Variants in CCNJL observed in about 807,000 individuals in gnomAD.
CCNJL encodes cyclin J like.
In CCNJL, 33 loss-of-function variants were observed where a neutral mutation model predicts 33.4. The ratio of observed to expected loss-of-function variants is 0.99; its 90% CI spans 0.75 to 1.32. The LOEUF is 1.32. Ranked by LOEUF, CCNJL falls within the 40% of genes most tolerant of loss-of-function variation. CCNJL has a pLI of 0.00. For missense variants in CCNJL, 512 were observed against 499.7 expected (o/e 1.02, Z -0.23); for synonymous variants, 227 against 220.9 (o/e 1.03, Z -0.24).
At chr5:160,284,009 T>C (rs1320414752) in intron 2 of CCNJL, among the ~76,000 whole-genome samples, 1 of 152,188 alleles carries the variant, frequency 6.6e-6, no homozygotes, top group Non-Finnish European at 1.5e-5. Context: ...ATGTTCTTTA[T>C]CCATTTATCT....
At chr5:160,254,296 T>C (rs778585759) in intron 5 of CCNJL, 1 of 661,670 alleles carries the variant, frequency 1.5e-6, no homozygotes, top group South Asian at 1.7e-5. Context: ...ATCAACCAAA[T>C]TGACCGCTGG....
upstream of CCNJL, chr5:160,315,525 C>A: frequency 6.6e-6 from 2 of 305,258 alleles, no homozygotes; most frequent in Non-Finnish European, 7.2e-6. Flanking sequence ...AAAACAAAAA[C>A]AAGAGAAAGA....
chr5:160,287,351 C>T (rs1030688056), intron 2 of CCNJL, among the ~76,000 whole-genome samples: 1 of 152,214 alleles, frequency 6.6e-6, no homozygotes, highest in African/African-American at 2.4e-5. Flanking sequence ...GGCTTTCTAC[C>T]TTTGAGCTGA....
intron 2 of CCNJL, among the ~76,000 whole-genome samples, chr5:160,282,390 C>T (rs952914448): frequency 1.1e-4 from 16 of 152,112 alleles, no homozygotes; most frequent in African/African-American, 3.9e-4. Context: ...CTTTAATGGC[C>T]TTAGATTAGG....
chr5:160,263,008 A>G (rs1489641874), intron 3 of CCNJL, among the ~76,000 whole-genome samples: 1 of 152,224 alleles, frequency 6.6e-6, no homozygotes, highest in Non-Finnish European at 1.5e-5. Flanking sequence ...AAGCCAGACA[A>G]TAGCCATGGA....
At chr5:160,260,508 C>A (rs573456971) in intron 3 of CCNJL, among the ~76,000 whole-genome samples, 22 of 152,236 alleles carry the variant, frequency 1.4e-4, no homozygotes, top group African/African-American at 5.3e-4. Flanking sequence ...ATCCTACCCA[C>A]GGGTTAAAGA....
At chr5:160,338,148 G>C (rs1763704970) in intron 1 of CCNJL, among the ~76,000 whole-genome samples, 1 of 152,232 alleles carries the variant, frequency 6.6e-6, no homozygotes, top group Non-Finnish European at 1.5e-5. Context: ...TGTAGTCCCA[G>C]CACTTTGGGA....
chr5:160,287,091 G>A (rs569133134), intron 2 of CCNJL, among the ~76,000 whole-genome samples: 4 of 152,234 alleles, frequency 2.6e-5, no homozygotes, highest in African/African-American at 9.6e-5. Context: ...GCAGTTCTGG[G>A]TCGGAATCTT....
chr5:160,339,362 A>AAC (rs1199353127), intron 1 of CCNJL: 3 of 322,792 alleles, frequency 9.3e-6, no homozygotes, highest in African/African-American at 2.5e-5. Flanking sequence ...TGCAAAACAA[A>AAC]AAAAAAAAAC....
Position 160,253,312 on chromosome 5 carries a change from C to T in CCNJL, c.*66G>A. 1 of 1,477,514 alleles carries T rather than the reference C, an allele frequency of 6.8e-7. No individual in the cohort carries two copies. Among genetic ancestry groups the T allele is most frequent in the East Asian group, 2.3e-5 (1 of 43,660 alleles). 91.5% of individuals were successfully genotyped at this position (1,477,514 alleles called of 1,614,324 possible). A position where few individuals can be genotyped will look rare whatever the true frequency, so the allele number is the denominator to read the frequency against. On this transcript the variant is annotated 3_prime_UTR_variant, in exon 6 of 6. Coordinates refer to ENST00000257536, the MANE Select transcript of CCNJL (RefSeq NM_001308173.3). The stretch of plus-strand genomic sequence containing the variant: ...TCCTGCTGCCTCACTTGGCTGAGCT[C>T]TCCTCTTCAGTGTCCTCTTCCTCTG...
At chr5:160,336,526 C>G (rs772451425) in intron 1 of CCNJL, among the ~76,000 whole-genome samples, 1 of 152,244 alleles carries the variant, frequency 6.6e-6, no homozygotes, top group African/African-American at 2.4e-5. Flanking sequence ...CTGCTGCTGA[C>G]ATGTAGATGT....
intron 2 of CCNJL, among the ~76,000 whole-genome samples, chr5:160,309,326 T>A (rs1763193181): frequency 6.6e-6 from 1 of 152,302 alleles, no homozygotes; most frequent in Admixed American, 6.5e-5. Context: ...CAGACTGGAA[T>A]CTCATATTTG....
chr5:160,262,169 G>A (rs1485713615), intron 3 of CCNJL, among the ~76,000 whole-genome samples: 1 of 152,220 alleles, frequency 6.6e-6, no homozygotes, highest in Non-Finnish European at 1.5e-5. Flanking sequence ...CCTCCCCAGA[G>A]CAGGAGGTGG....
At chr5:160,315,494 G>A (rs765311228), upstream of CCNJL, 222 of 390,178 alleles carry the variant, frequency 5.7e-4, no homozygotes, top group Middle Eastern at 8.5e-3. Flanking sequence ...GCAACAGAGC[G>A]AGACACTGCC....
At chr5:160,314,682 A>G (rs1763358533), upstream of CCNJL, among the ~76,000 whole-genome samples, 1 of 152,264 alleles carries the variant, frequency 6.6e-6, no homozygotes, top group Non-Finnish European at 1.5e-5. Context: ...AAATGTGACA[A>G]AAGGTTGATG....
At chr5:160,269,218 A>C (rs1458749336) in intron 3 of CCNJL, among the ~76,000 whole-genome samples, 1 of 152,176 alleles carries the variant, frequency 6.6e-6, no homozygotes, top group Non-Finnish European at 1.5e-5. Context: ...TGCTGTGATG[A>C]CATCACACTG....
intron 1 of CCNJL, among the ~76,000 whole-genome samples, chr5:160,321,414 G>C (rs1724772104): frequency 6.6e-6 from 1 of 152,162 alleles, no homozygotes; most frequent in Non-Finnish European, 1.5e-5. Context: ...GCCAGCAGCA[G>C]GGTGCTGCTT....
intron 2 of CCNJL, chr5:160,294,665 G>A (rs754111): frequency 0.2 from 30,652 of 152,338 alleles, 4,110 homozygotes; most frequent in African/African-American, 0.39. Flanking sequence ...TTTAAAAGAC[G>A]CCACACCCTC....
intron 1 of CCNJL, among the ~76,000 whole-genome samples, chr5:160,323,042 G>A (rs1374247348): frequency 6.6e-6 from 1 of 152,058 alleles, no homozygotes; most frequent in Non-Finnish European, 1.5e-5. Context: ...AGACCAGCCT[G>A]GCCAATATGG....
Sources: allele counts gnomAD v4.1 joint callset (sites outside exome capture counted in the v4.1 genomes callset), GRCh38; gene constraint gnomAD v4.1.1; transcripts MANE v1.5; gene names NCBI Gene and HGNC (gene_info 2026-07-23, HGNC 2026-07-21).